SUPT3H: variants seen among roughly 807,000 people sequenced by gnomAD.
The protein encoded by SUPT3H is transcription initiation protein SPT3 homolog.
Under a neutral mutation model 44.3 loss-of-function variants are expected in SUPT3H, and 44 were observed. That is an observed-to-expected ratio of 0.99 (90% confidence interval 0.78 to 1.28). The LOEUF is 1.28. Among genes scored for constraint, SUPT3H ranks in the 50% most tolerant of loss-of-function variants. The pLI is 0.00. For synonymous variants in SUPT3H, 124 were observed against 125.6 expected (o/e 0.99, Z 0.09); for missense variants, 380 against 387.1 (o/e 0.98, Z 0.15).
intron 3 of SUPT3H, among the ~76,000 whole-genome samples, chr6:45,073,417 C>T (rs1009669846): frequency 2.0e-5 from 3 of 150,986 alleles, no homozygotes; most frequent in Non-Finnish European, 4.4e-5. Context: ...TCAGAAAATA[C>T]AAAAAAAAGC....
Position 44,954,513 on chromosome 6 carries a change from C to A in SUPT3H, c.675G>T (p.Ala225=). The A allele has an allele frequency of 1.9e-6, 3 of 1,613,658 alleles. No homozygotes were observed. Among genetic ancestry groups the A allele is most frequent in the Non-Finnish European group, 1.7e-6 (2 of 1,179,642 alleles). The part of the protein sequence containing the change: ...VVAMEILAYL[A]YETVAQLVDL... ...TTCTTACCTGTGCCACAGTTTCATA[C>A]GCTAAATATGCTAAGATTTCCATTG... The change falls in exon 8 of 11, where the codon GCG becomes GCT. Residue 225 remains alanine, a synonymous_variant. Transcript: ENST00000371459.
intron 2 of SUPT3H, among the ~76,000 whole-genome samples, chr6:45,330,329 C>T (rs906405644): frequency 6.6e-6 from 1 of 151,748 alleles, no homozygotes; most frequent in Non-Finnish European, 1.5e-5. Flanking sequence ...GCTTATACAT[C>T]GAAAGTTTTG....
intron 9 of SUPT3H, among the ~76,000 whole-genome samples, chr6:44,948,562 A>C (rs1230849329): frequency 9.2e-5 from 14 of 152,072 alleles, no homozygotes; most frequent in East Asian, 1.9e-4. Context: ...CAAACAACCC[A>C]ATCAAAAAGT....
intron 2 of SUPT3H, among the ~76,000 whole-genome samples, chr6:45,221,147 C>T (rs1765979538): frequency 6.6e-6 from 1 of 152,104 alleles, no homozygotes; most frequent in African/African-American, 2.4e-5. Context: ...ACTGCATGTT[C>T]TCACTCATAG....
intron 7 of SUPT3H, among the ~76,000 whole-genome samples, chr6:44,958,872 GTTTTTTTTTTTT>G (rs10670652): frequency 1.0e-5 from 1 of 98,278 alleles, no homozygotes; most frequent in Non-Finnish European, 1.9e-5. Context: ...CTTATCAATG[GTTTTTTTTTTTT>G]TTTTTTTTTG....
chr6:44,878,826 G>A (rs1327706356), intron 10 of SUPT3H, among the ~76,000 whole-genome samples: 1 of 152,086 alleles, frequency 6.6e-6, no homozygotes, highest in African/African-American at 2.4e-5. Context: ...AAGGGGTCAG[G>A]GAACTCCCTC....
rs115538626 is a variant in SUPT3H at position 44,926,871 on chromosome 6, C to T, written c.912+5782G>A. Among the ~76,000 whole-genome samples the T allele has an allele frequency of 9.1e-3, 1,390 of 152,152 alleles. 20 individuals are homozygous for T. Among genetic ancestry groups the T allele is most frequent in the African/African-American group, 0.032 (1,328 of 41,524 alleles). ...TGACAAAAATAAAACTGATAATATT[C>T]AACGCTGATTTGAGTTTATACTCTC... On this transcript the variant is annotated intron_variant, in intron 10 of 10. Transcript: ENST00000371459.
chr6:45,166,753 G>A (rs1250298541), intron 2 of SUPT3H, among the ~76,000 whole-genome samples: 1 of 152,142 alleles, frequency 6.6e-6, no homozygotes, highest in Non-Finnish European at 1.5e-5. Flanking sequence ...ATATCTGAAT[G>A]GCTAAGAGGG....
intron 2 of SUPT3H, among the ~76,000 whole-genome samples, chr6:45,305,255 C>T (rs183505816): frequency 6.6e-6 from 1 of 152,172 alleles, no homozygotes; most frequent in Non-Finnish European, 1.5e-5. Flanking sequence ...ATCTCACCAC[C>T]TGTATTACAT....
chr6:45,376,879 TTATATACACACATATGTATATACATA>T (rs1299083005), intron 1 of SUPT3H, among the ~76,000 whole-genome samples: 2 of 152,204 alleles, frequency 1.3e-5, no homozygotes, highest in South Asian at 4.1e-4. Flanking sequence ...ATACATATAC[TTATATACACACATATGTATATACATA>T]TATATACACA....
chr6:45,241,530 T>C (rs766338658), intron 2 of SUPT3H, among the ~76,000 whole-genome samples: 1 of 152,208 alleles, frequency 6.6e-6, no homozygotes, highest in Non-Finnish European at 1.5e-5. Context: ...AAACAATGTT[T>C]ATCGCTGGCT....
intron 3 of SUPT3H, among the ~76,000 whole-genome samples, chr6:45,041,469 T>C (rs1386047018): frequency 6.6e-6 from 1 of 152,090 alleles, no homozygotes; most frequent in African/African-American, 2.4e-5. Flanking sequence ...AACTGAGAGA[T>C]GACAATGGTG....
At chr6:44,888,565 A>G (rs546783083) in intron 10 of SUPT3H, among the ~76,000 whole-genome samples, 16 of 152,118 alleles carry the variant, frequency 1.1e-4, no homozygotes, top group African/African-American at 3.1e-4. Flanking sequence ...AAATTCAACA[A>G]CCCTTCATGC....
chr6:45,160,956 G>C (rs1426750584), intron 2 of SUPT3H, among the ~76,000 whole-genome samples: 1 of 152,044 alleles, frequency 6.6e-6, no homozygotes, highest in East Asian at 1.9e-4. Context: ...GGAGGTGTTT[G>C]GGTCATGGGG....
rs76354544 is a variant in SUPT3H, at chr6:45,271,564, T to C, written c.101+93637A>G. Reference sequence around the variant, plus strand: ...CTCCACCTAGATTTCAGAGGATGCATGGTAATGCCTGGATACCCACGCTGA... The same window carrying C: ...CTCCACCTAGATTTCAGAGGATGCACGGTAATGCCTGGATACCCACGCTGA... On this transcript the variant is annotated intron_variant, in intron 2 of 10. Transcript: ENST00000371459. Among the ~76,000 whole-genome samples the C allele has an allele frequency of 3.9e-3, 597 of 152,222 alleles. 7 individuals carry two copies. The highest frequency in any genetic ancestry group is 0.014 in the African/African-American group (568 of 41,546).
At chr6:45,292,144 C>CA in intron 2 of SUPT3H, among the ~76,000 whole-genome samples, 1 of 152,256 alleles carries the variant, frequency 6.6e-6, no homozygotes, top group South Asian at 2.1e-4. Flanking sequence ...TCAGTCTCCT[C>CA]AAACAAAATG....
intron 10 of SUPT3H, among the ~76,000 whole-genome samples, chr6:44,851,676 TGATAG>T (rs1772907112): frequency 6.6e-6 from 1 of 152,196 alleles, no homozygotes; most frequent in Non-Finnish European, 1.5e-5. Flanking sequence ...AACAAAAATG[TGATAG>T]GATAATTTTT....
At chr6:45,341,063 C>T (rs1581716832) in intron 2 of SUPT3H, among the ~76,000 whole-genome samples, 1 of 152,148 alleles carries the variant, frequency 6.6e-6, no homozygotes, top group South Asian at 2.1e-4. Context: ...TGTACTTTTT[C>T]CTGTGCCTAC....
In SUPT3H at chr6:45,190,514, A is replaced by G. The variant is rs544204582; in HGVS notation, c.102-84508T>C. ...AACTTATGTGAAAAAAAAATGATGG[A>G]AGACTTTGTTGGGTTATTCTCATTT... On this transcript the variant is annotated intron_variant, in intron 2 of 10. Transcript: ENST00000371459. 4.6e-5 allele frequency among the ~76,000 whole-genome samples: 7 copies of G among 152,244 alleles called. No homozygotes were observed. In the South Asian group the frequency reaches 1.4e-3, roughly 32 times the overall value.
Sources: gnomAD v4.1 joint callset for allele counts (sites outside exome capture counted in the v4.1 genomes callset) on GRCh38, gnomAD v4.1.1 for gene constraint, MANE v1.5 for transcripts, NCBI Gene and HGNC (gene_info 2026-07-23, HGNC 2026-07-21) for gene names.